The following NELL1 variants were observed in gnomAD, a reference collection of about 807,000 sequenced individuals.
NELL1 encodes neural EGFL like 1, also known as protein kinase C-binding protein NELL1.
NELL1 carries 76 observed loss-of-function variants against 107.4 expected under a neutral mutation model. The observed-to-expected ratio is 0.71, with a 90% confidence interval of 0.59 to 0.86. The LOEUF is 0.86. Ranked by LOEUF, NELL1 falls within the 40% of genes least tolerant of loss-of-function variation. NELL1 has a pLI of 0.00. For synonymous variants in NELL1, 353 were observed against 341.2 expected (o/e 1.03, Z -0.38); for missense variants, 1,024 against 1,005.5 (o/e 1.02, Z -0.25).
intron 10 of NELL1, among the ~76,000 whole-genome samples, chr11:20,942,489 A>G (rs1328267147): frequency 6.6e-6 from 1 of 152,118 alleles, no homozygotes; most frequent in Non-Finnish European, 1.5e-5. Flanking sequence ...GTAGGGGAGT[A>G]GGGGAGCAGG....
At chr11:21,358,929 C>A (rs995298173) in intron 14 of NELL1, among the ~76,000 whole-genome samples, 7 of 152,062 alleles carry the variant, frequency 4.6e-5, no homozygotes, top group African/African-American at 1.7e-4. Flanking sequence ...CAAACAGCAA[C>A]AATTTGACTT....
At chr11:21,020,315 G>A (rs767007542) in intron 12 of NELL1, among the ~76,000 whole-genome samples, 5 of 151,998 alleles carry the variant, frequency 3.3e-5, no homozygotes, top group African/African-American at 4.8e-5. Context: ...TTCATGCCTT[G>A]CTTCATGCCA....
intron 13 of NELL1, among the ~76,000 whole-genome samples, chr11:21,218,492 A>G (rs1274126770): frequency 6.6e-6 from 1 of 152,162 alleles, no homozygotes; most frequent in Non-Finnish European, 1.5e-5. Context: ...TTGTGTTAGG[A>G]AAATTCAAAA....
Position 20,853,311 on chromosome 11 carries a change from C to T in NELL1, c.506+5558C>T, listed in dbSNP as rs117150392. Among the ~76,000 whole-genome samples the T allele has an allele frequency of 1.7e-4, 26 of 152,244 alleles. No individual in the cohort carries two copies. The East Asian group carries it at 3.1e-3, about 18-fold the overall frequency. On this transcript the variant is annotated intron_variant, in intron 4 of 19. Coordinates refer to ENST00000357134, the MANE Select transcript of NELL1 (RefSeq NM_006157.5). Reference sequence around the variant, plus strand: ...TTTCATATTTGAAGCATTTGCGCTCCGTGGTTTAATCTAGATGGAAACATA... The same window carrying T: ...TTTCATATTTGAAGCATTTGCGCTCTGTGGTTTAATCTAGATGGAAACATA...
At chr11:21,197,406 GAAAC>G (rs1857177934) in intron 13 of NELL1, among the ~76,000 whole-genome samples, 1 of 79,244 alleles carries the variant, frequency 1.3e-5, no homozygotes, top group African/African-American at 5.0e-5. Context: ...TCTCCAGAAA[GAAAC>G]AAACAACCAA....
chr11:21,339,359 G>T (rs1850510662), intron 14 of NELL1, among the ~76,000 whole-genome samples: 1 of 152,156 alleles, frequency 6.6e-6, no homozygotes, highest in Admixed American at 6.5e-5. Flanking sequence ...GAAGAGTCAA[G>T]GAAAGTTTCT....
At chr11:21,410,208 A>T (rs1852341876) in intron 15 of NELL1, among the ~76,000 whole-genome samples, 1 of 152,066 alleles carries the variant, frequency 6.6e-6, no homozygotes, top group African/African-American at 2.4e-5. Flanking sequence ...ACACAAAAAA[A>T]CAAACCTGTT....
intron 5 of NELL1, among the ~76,000 whole-genome samples, chr11:20,891,924 T>A (rs192092656): frequency 0.016 from 2,506 of 152,274 alleles, 36 homozygotes; most frequent in Non-Finnish European, 0.027. Context: ...TGAGAGACTT[T>A]AACACCCCAC....
intron 13 of NELL1, among the ~76,000 whole-genome samples, chr11:21,216,258 G>T (rs1025363937): frequency 3.2e-4 from 48 of 152,340 alleles, no homozygotes; most frequent in African/African-American, 1.1e-3. Context: ...ATGCTTGGTT[G>T]TCCAGGCAGA....
At chr11:20,690,950 T>C (rs1854449101) in intron 2 of NELL1, among the ~76,000 whole-genome samples, 1 of 152,126 alleles carries the variant, frequency 6.6e-6, no homozygotes, top group African/African-American at 2.4e-5. Context: ...GTGTCCTCTT[T>C]TGTTTCATTG....
chr11:21,105,643 TG>T (rs1854935519), intron 12 of NELL1, among the ~76,000 whole-genome samples: 1 of 152,188 alleles, frequency 6.6e-6, no homozygotes, highest in African/African-American at 2.4e-5. Context: ...CTCGATTTTA[TG>T]GGTTGCTCTT....
intron 2 of NELL1, among the ~76,000 whole-genome samples, chr11:20,727,925 T>C (rs1404250068): frequency 2.0e-5 from 3 of 152,170 alleles, no homozygotes; most frequent in African/African-American, 7.2e-5. Flanking sequence ...CCACCAACAG[T>C]GTATAAGTGT....
At chr11:21,338,164 A>C (rs1850479840) in intron 14 of NELL1, among the ~76,000 whole-genome samples, 2 of 152,124 alleles carry the variant, frequency 1.3e-5, no homozygotes, top group Admixed American at 1.3e-4. Flanking sequence ...GCAATGTAAA[A>C]ATAAAATGCC....
chr11:21,035,136 A>G (rs1853057328), intron 12 of NELL1, among the ~76,000 whole-genome samples: 1 of 152,150 alleles, frequency 6.6e-6, no homozygotes, highest in African/African-American at 2.4e-5. Context: ...AGAACTGGAT[A>G]CATTCCTGGA....
intron 15 of NELL1, among the ~76,000 whole-genome samples, chr11:21,512,873 C>T (rs546945066): frequency 3.3e-5 from 5 of 152,080 alleles, no homozygotes; most frequent in Non-Finnish European, 5.9e-5. Context: ...TCCACCTAAC[C>T]GAACCTATTA....
At chr11:20,671,772 T>TGGGG (rs148740004) in intron 1 of NELL1, among the ~76,000 whole-genome samples, 31 of 141,074 alleles carry the variant, frequency 2.2e-4, no homozygotes, top group Non-Finnish European at 2.8e-4. Flanking sequence ...TACAGATTGA[T>TGGGG]GGGGGGGGTG....
chr11:21,214,489 C>T (rs1857570713), intron 13 of NELL1, among the ~76,000 whole-genome samples: 1 of 152,036 alleles, frequency 6.6e-6, no homozygotes, highest in South Asian at 2.1e-4. Flanking sequence ...AAACATAATG[C>T]ATTATTTCTA....
chr11:20,928,328 C>T (rs766139332), intron 8 of NELL1, 49 bp from the exon 9 acceptor site: 2 of 1,480,426 alleles, frequency 1.4e-6, no homozygotes, highest in Non-Finnish European at 1.9e-6. Context: ...ACAACAGGAG[C>T]TATCAAAGGA....
Position 20,727,385 on chromosome 11 carries a change from T to C in NELL1, c.184+49325T>C, listed in dbSNP as rs4433570. Among the ~76,000 whole-genome samples the C allele has an allele frequency of 8.5e-5, 13 of 152,116 alleles. No individual in the cohort carries two copies. In the East Asian group the frequency reaches 2.1e-3, roughly 25 times the overall value. ...TTTTTTCATTTATCTGTTGGCTGCA[T>C]AAATGTCTTCTTTTGAGAAGTGTCT... On this transcript the variant is annotated intron_variant, in intron 2 of 19. Coordinates refer to ENST00000357134, the MANE Select transcript of NELL1 (RefSeq NM_006157.5).
Sources: gnomAD v4.1 joint callset for allele counts (sites outside exome capture counted in the v4.1 genomes callset) on GRCh38, gnomAD v4.1.1 for gene constraint, MANE v1.5 for transcripts, NCBI Gene and HGNC (gene_info 2026-07-23, HGNC 2026-07-21) for gene names.